The following ARL8A variants were observed in gnomAD, a reference collection of about 807,000 sequenced individuals.
ARL8A encodes ARF like GTPase 8A.
In ARL8A, 10 loss-of-function variants were observed where a neutral mutation model predicts 31.2. The ratio of observed to expected loss-of-function variants is 0.32; its 90% CI spans 0.20 to 0.54. The LOEUF (loss-of-function observed/expected upper bound fraction) is 0.54, where lower values mean the gene tolerates loss of function less well. ARL8A is among the 20% of genes least tolerant of loss of function. ARL8A has a pLI of 0.93. For missense variants in ARL8A, 129 were observed against 242.8 expected (o/e 0.53, Z 3.12); for synonymous variants, 70 against 86.9 (o/e 0.81, Z 1.08).
In ARL8A at chr1:202,138,934, C is replaced by T. The variant is rs538193206; in HGVS notation, c.124-486G>A. 6.6e-6 allele frequency among the ~76,000 whole-genome samples: 1 copy of T among 152,324 alleles called. No individual in the cohort carries two copies. Among genetic ancestry groups the T allele is most frequent in the Admixed American group, 6.5e-5 (1 of 15,306 alleles). On this transcript the variant is annotated intron_variant, in intron 1 of 6. Transcript: ENST00000272217. This position sits in a 1 kb window ranked among gnomAD's most constrained non-coding sequence, Gnocchi z 4.4. The stretch of plus-strand genomic sequence containing the variant: ...AAATGCAGTGCATGCCAAGCAATTT[C>T]TGGATTATCCATGGTTCAGTTTATT...
At position 202,143,055 on chromosome 1, in the gene ARL8A, G is replaced by A. The variant is rs1391771389; in HGVS notation, c.123+1395C>T. Among the ~76,000 whole-genome samples the A allele has an allele frequency of 3.9e-5, 6 of 152,230 alleles. No individual in the cohort carries two copies. The East Asian group carries it at 1.2e-3, about 29-fold the overall frequency. On this transcript the variant is annotated intron_variant, in intron 1 of 6. Transcript: ENST00000272217. ...CCCAAGGGCAGAGCCTAGGCAGACA[G>A]AGCCCAGGGGTGTTAGCTCCGAAAA... is the stretch of plus-strand genomic sequence containing the variant.
At position 202,138,294 on chromosome 1, in the gene ARL8A, A is replaced by AAAACACACAC; in HGVS notation, c.204+73_204+74insGTGTGTGTTT. The AAAACACACAC allele has an allele frequency of 4.5e-6, 6 of 1,336,758 alleles. No individual in the cohort carries two copies. The East Asian group carries it at 1.2e-4, about 26-fold the overall frequency. The allele number at this position is 1,336,758 out of a possible 1,614,324, so 82.8% of individuals were successfully genotyped here. A position where few individuals can be genotyped will look rare whatever the true frequency, so the allele number is the denominator to read the frequency against. On this transcript the variant is annotated intron_variant, in intron 2 of 6. Transcript: ENST00000272217. This position sits in a 1 kb window ranked among gnomAD's most constrained non-coding sequence, Gnocchi z 4.4. ...CCCAGGGGCCTCCGTTGCCCTCCCC[A>AAAACACACAC]ACACACACACACACACACACACACA...
Position 202,138,566 on chromosome 1 carries a change from G to T in ARL8A, c.124-118C>A. On this transcript the variant is annotated intron_variant, in intron 1 of 6. Transcript: ENST00000272217. The surrounding 1 kb of genome is among the most constrained non-coding windows in gnomAD (Gnocchi z 4.4). The stretch of plus-strand genomic sequence containing the variant: ...CAGAGCTTCCTAGACTTCCCACTGT[G>T]GGGTACTCTTGCACATCCTGTGCTT... The T allele has an allele frequency of 1.1e-6, 1 of 916,500 alleles. No homozygotes were observed. Among genetic ancestry groups the T allele is most frequent in the Non-Finnish European group, 1.7e-6 (1 of 580,966 alleles). 56.8% of individuals were successfully genotyped at this position (916,500 alleles called of 1,614,324 possible). A position where few individuals can be genotyped will look rare whatever the true frequency, so the allele number is the denominator to read the frequency against.
chr1:202,143,848 G>A (rs529861434), intron 1 of ARL8A, among the ~76,000 whole-genome samples: 1 of 152,230 alleles, frequency 6.6e-6, no homozygotes, highest in Admixed American at 6.5e-5. Context: ...AGACACTGCG[G>A]GTCGGGGAGA....
chr1:202,138,079 G>A lies in ARL8A; in HGVS notation c.205-41C>T, dbSNP rs1299801486. On this transcript the variant is annotated intron_variant, in intron 2 of 6. Transcript: ENST00000272217. The surrounding 1 kb of genome is among the most constrained non-coding windows in gnomAD (Gnocchi z 4.4). ...GTGAGATAGCCTCAGTAGTGGGCAG[G>A]CCACCAAAACGTGTCTTGGGTCTCA... The A allele has an allele frequency of 2.5e-6, 4 of 1,610,904 alleles. No individual in the cohort carries two copies. Among genetic ancestry groups the A allele is most frequent in the Non-Finnish European group, 3.4e-6 (4 of 1,177,800 alleles).
Position 202,135,958 on chromosome 1 carries a change from C to T in ARL8A, c.279-158G>A, listed in dbSNP as rs1399689190. Among the ~76,000 whole-genome samples, 4 of 152,082 alleles carry T rather than the reference C, an allele frequency of 2.6e-5. No homozygotes were observed. Among genetic ancestry groups the T allele is most frequent in the Admixed American group, 6.6e-5 (1 of 15,254 alleles). ...CTGGCCTGGCTCAAGGCAGGTGCTC[C>T]GCGGATGTTTTCTGAGTCTATGGGA... On this transcript the variant is annotated intron_variant, in intron 3 of 6. Transcript: ENST00000272217. The surrounding 1 kb of genome is among the most constrained non-coding windows in gnomAD (Gnocchi z 5.3).
chr1:202,144,686 G>C lies in ARL8A; in HGVS notation c.-114C>G, dbSNP rs1361047245. 15 of 1,031,672 alleles carry C rather than the reference G, an allele frequency of 1.5e-5. No homozygotes were observed. The highest frequency in any genetic ancestry group is 3.5e-5 in the African/African-American group (2 of 57,908). 63.9% of individuals were successfully genotyped at this position (1,031,672 alleles called of 1,614,324 possible). A position where few individuals can be genotyped will look rare whatever the true frequency, so the allele number is the denominator to read the frequency against. On this transcript the variant is annotated 5_prime_UTR_variant, in exon 1 of 7. Coordinates refer to ENST00000272217, the MANE Select transcript of ARL8A (RefSeq NM_138795.4). This position sits in a 1 kb window ranked among gnomAD's most constrained non-coding sequence, Gnocchi z 5.2. ...CGGCCCGGGTCCCGCGGCTCGGTGC[G>C]GGCGGAGGCTCGAGCGCGGCTGCCG...
rs371597775 is a variant in ARL8A at position 202,135,549 on chromosome 1, A to T, written c.373-23T>A. ...GACCTACGGAGAAGGGAGGGTGAGG[A>T]TGAGGTCTAGGGCAGCCGTGCCCAG... On this transcript the variant is annotated intron_variant, in intron 4 of 6. Coordinates refer to ENST00000272217, the MANE Select transcript of ARL8A (RefSeq NM_138795.4). The surrounding 1 kb of genome is among the most constrained non-coding windows in gnomAD (Gnocchi z 5.3). 6.2e-7 allele frequency: 1 copy of T among 1,613,320 alleles called. No homozygotes were observed. Among genetic ancestry groups the T allele is most frequent in the Middle Eastern group, 1.7e-4 (1 of 6,028 alleles).
chr1:202,138,090 G>A lies in ARL8A; in HGVS notation c.205-52C>T, dbSNP rs377765490. On this transcript the variant is annotated intron_variant, in intron 2 of 6. Coordinates refer to ENST00000272217, the MANE Select transcript of ARL8A (RefSeq NM_138795.4). The surrounding 1 kb of genome is among the most constrained non-coding windows in gnomAD (Gnocchi z 4.4). Reference sequence around the variant, plus strand: ...TCAGTAGTGGGCAGGCCACCAAAACGTGTCTTGGGTCTCAAATGCCCCCTC... The same window carrying A: ...TCAGTAGTGGGCAGGCCACCAAAACATGTCTTGGGTCTCAAATGCCCCCTC... The A allele has an allele frequency of 6.8e-5, 109 of 1,601,180 alleles. 1 individual carries two copies. The African/African-American group carries it at 8.2e-4, about 12-fold the overall frequency.
intron 1 of ARL8A, among the ~76,000 whole-genome samples, chr1:202,142,278 G>A (rs1180621058): frequency 1.3e-5 from 2 of 152,202 alleles, no homozygotes; most frequent in Non-Finnish European, 2.9e-5. Context: ...GACCTCATAG[G>A]GTGAGTAGAA....
chr1:202,144,347 G>C lies in ARL8A; in HGVS notation c.123+103C>G. On this transcript the variant is annotated intron_variant, in intron 1 of 6. Transcript: ENST00000272217. This position sits in a 1 kb window ranked among gnomAD's most constrained non-coding sequence, Gnocchi z 5.2. Reference sequence around the variant, plus strand: ...CCCGCCCGGCGCCCGGCCGTGCCCGGCTATGCCAGGCGGCGACCCCGGCTC... The same window carrying C: ...CCCGCCCGGCGCCCGGCCGTGCCCGCCTATGCCAGGCGGCGACCCCGGCTC... 1 of 818,524 alleles carries C rather than the reference G, an allele frequency of 1.2e-6. No individual in the cohort carries two copies. The highest frequency in any genetic ancestry group is 1.5e-6 in the Non-Finnish European group (1 of 675,522). The allele number at this position is 818,524 out of a possible 1,614,324, so 50.7% of individuals were successfully genotyped here.
In ARL8A at chr1:202,138,174, C is replaced by G; in HGVS notation, c.205-136G>C. On this transcript the variant is annotated intron_variant, in intron 2 of 6. Coordinates refer to ENST00000272217, the MANE Select transcript of ARL8A (RefSeq NM_138795.4). The surrounding 1 kb of genome is among the most constrained non-coding windows in gnomAD (Gnocchi z 4.4). ...TTCCTCTCCAGTTCTCCCCCGTCTCCACCCGCTCTCCGTCTACCTTAGAAG... is the reference window on the plus strand; with the variant it reads ...TTCCTCTCCAGTTCTCCCCCGTCTCGACCCGCTCTCCGTCTACCTTAGAAG... The G allele has an allele frequency of 8.6e-7, 1 of 1,169,394 alleles. No homozygotes were observed. Among genetic ancestry groups the G allele is most frequent in the Admixed American group, 2.0e-5 (1 of 50,752 alleles). The allele number at this position is 1,169,394 out of a possible 1,614,324, so 72.4% of individuals were successfully genotyped here.
intron 3 of ARL8A, among the ~76,000 whole-genome samples, chr1:202,136,554 C>G (rs1318729722): frequency 3.3e-5 from 5 of 152,058 alleles, no homozygotes; most frequent in Non-Finnish European, 7.4e-5. Context: ...GCTGGGATTA[C>G]AGGCATGAGC....
In ARL8A at chr1:202,144,274, C is replaced by T. The variant is rs1240141145; in HGVS notation, c.123+176G>A. On this transcript the variant is annotated intron_variant, in intron 1 of 6. Transcript: ENST00000272217. This position sits in a 1 kb window ranked among gnomAD's most constrained non-coding sequence, Gnocchi z 5.2. The stretch of plus-strand genomic sequence containing the variant: ...CGGGTCGCGCGCCGCCCCGGTCCCC[C>T]ACGGCACGGGCCGTACTAGGCCCCA... 6.6e-6 allele frequency among the ~76,000 whole-genome samples: 1 copy of T among 151,862 alleles called. No homozygotes were observed. The highest frequency in any genetic ancestry group is 2.4e-5 in the African/African-American group (1 of 41,422).
Position 202,134,371 on chromosome 1 carries a change from A to C in ARL8A, c.*96T>G. ...AGGGCCCTCCTCACACTGGGTGAGG[A>C]GGGGTGGGCTTAGGGGGACGACAGG... is the stretch of plus-strand genomic sequence containing the variant. On this transcript the variant is annotated 3_prime_UTR_variant, in exon 7 of 7. Transcript: ENST00000272217. This position sits in a 1 kb window ranked among gnomAD's most constrained non-coding sequence, Gnocchi z 4.2. 4.4e-6 allele frequency: 5 copies of C among 1,138,676 alleles called. No homozygotes were observed. The highest frequency in any genetic ancestry group is 5.1e-6 in the Non-Finnish European group (4 of 790,954). The allele number at this position is 1,138,676 out of a possible 1,614,324, so 70.5% of individuals were successfully genotyped here.
At chr1:202,142,183 A>C (rs1323378244) in intron 1 of ARL8A, among the ~76,000 whole-genome samples, 1 of 152,210 alleles carries the variant, frequency 6.6e-6, no homozygotes, top group East Asian at 1.9e-4. Context: ...TCAGGTTCTT[A>C]GAAGCAGTGT....
rs199921757 is a variant in ARL8A, at chr1:202,144,586, G to C, written c.-14C>G. The C allele has an allele frequency of 6.4e-6, 9 of 1,405,146 alleles. No homozygotes were observed. In the East Asian group the frequency reaches 3.6e-4, roughly 56 times the overall value. The allele number at this position is 1,405,146 out of a possible 1,614,324, so 87.0% of individuals were successfully genotyped here. ...CAAAGCGATCATGGTCGCTGCCGCC[G>C]GCCCCGCCCGGTGCCAGGTCCCCGC... On this transcript the variant is annotated 5_prime_UTR_variant, in exon 1 of 7. Coordinates refer to ENST00000272217, the MANE Select transcript of ARL8A (RefSeq NM_138795.4). The surrounding 1 kb of genome is among the most constrained non-coding windows in gnomAD (Gnocchi z 5.2).
At chr1:202,136,347 T>G (rs1208981566) in intron 3 of ARL8A, among the ~76,000 whole-genome samples, 1 of 151,202 alleles carries the variant, frequency 6.6e-6, no homozygotes, top group African/African-American at 2.4e-5. Flanking sequence ...TGGTGCAATC[T>G]CAGCTCACTG....
In ARL8A at chr1:202,138,539, G is replaced by T; in HGVS notation, c.124-91C>A. 2 of 1,251,302 alleles carry T rather than the reference G, an allele frequency of 1.6e-6. No individual in the cohort carries two copies. Among genetic ancestry groups the T allele is most frequent in the Non-Finnish European group, 1.2e-6 (1 of 861,670 alleles). The allele number at this position is 1,251,302 out of a possible 1,614,324, so 77.5% of individuals were successfully genotyped here. On this transcript the variant is annotated intron_variant, in intron 1 of 6. Coordinates refer to ENST00000272217, the MANE Select transcript of ARL8A (RefSeq NM_138795.4). The surrounding 1 kb of genome is among the most constrained non-coding windows in gnomAD (Gnocchi z 4.4). ...GCTGCGAGAACCATGCAGAGGCCAG[G>T]CCAGAGCTTCCTAGACTTCCCACTG...
Sources: gnomAD v4.1 joint callset for allele counts (sites outside exome capture counted in the v4.1 genomes callset) on GRCh38, gnomAD v4.1.1 for gene constraint, Gnocchi (gnomAD v3.1) non-coding constraint, MANE v1.5 for transcripts, NCBI Gene and HGNC (gene_info 2026-07-23, HGNC 2026-07-21) for gene names.